CSNK1G3: variants seen among roughly 807,000 people sequenced by gnomAD.
CSNK1G3 encodes casein kinase 1 gamma 3.
In CSNK1G3, 23 loss-of-function variants were observed where a neutral mutation model predicts 64.3. The observed-to-expected ratio is 0.36, with a 90% CI of 0.26 to 0.51. The LOEUF (loss-of-function observed/expected upper bound fraction) is 0.51. CSNK1G3 is among the 20% of genes least tolerant of loss of function. The pLI, the probability that CSNK1G3 is intolerant of heterozygous loss-of-function variation, is 0.96. For synonymous variants in CSNK1G3, 158 were observed against 162.2 expected, an observed-to-expected ratio of 0.97 and a Z score of 0.20; for missense variants, 357 against 510.5, an observed-to-expected ratio of 0.70 and a Z score of 2.90.
intron 12 of CSNK1G3, among the ~76,000 whole-genome samples, chr5:123,613,054 A>G (rs1455951677): frequency 6.6e-6 from 1 of 152,178 alleles, no homozygotes; most frequent in African/African-American, 2.4e-5. Flanking sequence ...AAAGGTGCCT[A>G]ACTATATGTA....
intron 1 of CSNK1G3, among the ~76,000 whole-genome samples, chr5:123,524,430 T>C (rs1778681635): frequency 1.3e-5 from 2 of 152,230 alleles, no homozygotes; most frequent in Admixed American, 1.3e-4. Context: ...GCCCTCTCTT[T>C]TACATATCTT....
At chr5:123,582,563 C>G (rs1790502908) in intron 6 of CSNK1G3, among the ~76,000 whole-genome samples, 2 of 152,054 alleles carry the variant, frequency 1.3e-5, no homozygotes, top group South Asian at 4.1e-4. Context: ...TAATTGGTTT[C>G]AAGACCTATT....
intron 6 of CSNK1G3, among the ~76,000 whole-genome samples, chr5:123,582,038 C>T (rs1790406254): frequency 6.6e-6 from 1 of 151,746 alleles, no homozygotes. Context: ...TTTATTTTTG[C>T]AAATATATGC....
intron 1 of CSNK1G3, among the ~76,000 whole-genome samples, chr5:123,515,880 C>G (rs374605144): frequency 6.6e-6 from 1 of 152,140 alleles, no homozygotes; most frequent in Non-Finnish European, 1.5e-5. Flanking sequence ...GATACTATTA[C>G]GACAACTCTG....
At chr5:123,552,897 T>C (rs930604136) in intron 2 of CSNK1G3, 1 of 331,930 alleles carries the variant, frequency 3.0e-6, no homozygotes, top group Admixed American at 5.1e-5. Context: ...AGTGTCTGTA[T>C]CACTTTCTAC....
chr5:123,561,304 A>G (rs1785660401), intron 4 of CSNK1G3, among the ~76,000 whole-genome samples: 1 of 152,224 alleles, frequency 6.6e-6, no homozygotes, highest in Admixed American at 6.5e-5. Flanking sequence ...ATCAGCACAT[A>G]GATGGTTTTT....
chr5:123,588,265 T>A, intron 7 of CSNK1G3, 112 bp downstream of exon 7: 1 of 1,046,056 alleles, frequency 9.6e-7, no homozygotes, highest in South Asian at 1.4e-5. Flanking sequence ...TAAGTAGGCA[T>A]CAGGGCTCCC....
rs781286741 is a variant in CSNK1G3 at position 123,605,345 on chromosome 5, G to C, written c.1200G>C (p.Gln400His). Residue 400 changes from glutamine to histidine, a missense_variant, in exon 12 of 13, where the codon CAG becomes CAC. Around this residue, in one of 3 missense-constraint regions of CSNK1G3, gnomAD observed 187 missense variants for 217.1 expected, o/e 0.86. Transcript: ENST00000345990. Reference sequence around the variant, plus strand: ...TTTTTGTGTGTGCGTATAGCTGCCAGAAAGTGTTGAACATGTGGTGAGTCT... The same window carrying C: ...TTTTTGTGTGTGCGTATAGCTGCCACAAAGTGTTGAACATGTGGTGAGTCT... The C allele has an allele frequency of 1.4e-5, 23 of 1,609,144 alleles. No individual in the cohort carries two copies. The Admixed American group carries it at 3.7e-4, about 26-fold the overall frequency.
chr5:123,554,831 A>G (rs532121562), intron 3 of CSNK1G3, among the ~76,000 whole-genome samples: 4 of 152,198 alleles, frequency 2.6e-5, no homozygotes, highest in Non-Finnish European at 5.9e-5. Flanking sequence ...TATGTGAATG[A>G]TAGTTATCTG....
At chr5:123,597,878 A>G (rs1793723024) in intron 10 of CSNK1G3, among the ~76,000 whole-genome samples, 1 of 152,178 alleles carries the variant, frequency 6.6e-6, no homozygotes, top group Non-Finnish European at 1.5e-5. Context: ...AGTATTTAGC[A>G]TAGATGTTGA....
At chr5:123,586,060 T>G (rs1470657014) in intron 6 of CSNK1G3, among the ~76,000 whole-genome samples, 1 of 152,180 alleles carries the variant, frequency 6.6e-6, no homozygotes, top group African/African-American at 2.4e-5. Flanking sequence ...TGTCAACAGA[T>G]GAATAAACAC....
At chr5:123,563,845 A>G (rs1391490384) in intron 4 of CSNK1G3, among the ~76,000 whole-genome samples, 2 of 152,084 alleles carry the variant, frequency 1.3e-5, no homozygotes, top group African/African-American at 2.4e-5. Flanking sequence ...TACTTAGACT[A>G]TTGCTTACTG....
Position 123,539,361 on chromosome 5 carries a change from C to T in CSNK1G3, c.-247-6056C>T, listed in dbSNP as rs1381600612. Among the ~76,000 whole-genome samples, 4 of 151,248 alleles carry T rather than the reference C, an allele frequency of 2.6e-5. No homozygotes were observed. The South Asian group carries it at 8.3e-4, about 32-fold the overall frequency. ...TCGGGAGGCTGGGGTGGGAAAATCA[C>T]CAGAGCCTGAGCAAGTCAAGGCTGC... On this transcript the variant is annotated intron_variant, in intron 1 of 12. Coordinates refer to ENST00000345990, the Ensembl canonical transcript of CSNK1G3.
chr5:123,577,311 T>C (rs1789364127), intron 6 of CSNK1G3, among the ~76,000 whole-genome samples: 1 of 152,074 alleles, frequency 6.6e-6, no homozygotes, highest in Non-Finnish European at 1.5e-5. Flanking sequence ...CTGTGGTATG[T>C]TGTTACTGCC....
At chr5:123,615,209 A>C (rs1749255486) in exon 13 of CSNK1G3, 1 of 152,656 alleles carries the variant, frequency 6.6e-6, no homozygotes, top group Non-Finnish European at 1.5e-5. Context: ...AATACTTTAA[A>C]AAGTGATGTA....
At chr5:123,579,697 G>A (rs1789885957) in intron 6 of CSNK1G3, among the ~76,000 whole-genome samples, 1 of 151,908 alleles carries the variant, frequency 6.6e-6, no homozygotes, top group Non-Finnish European at 1.5e-5. Flanking sequence ...TCATTGTTAG[G>A]AAAAGTCATC....
exon 9 of CSNK1G3, chr5:123,590,558 G>T: frequency 6.7e-7 from 1 of 1,483,816 alleles, no homozygotes; most frequent in African/African-American, 1.5e-5. Flanking sequence ...GTAAACAGTT[G>T]GTGAGTATTC....
intron 5 of CSNK1G3, among the ~76,000 whole-genome samples, chr5:123,574,626 A>G (rs143633986): frequency 6.6e-6 from 1 of 151,992 alleles, no homozygotes; most frequent in Non-Finnish European, 1.5e-5. Flanking sequence ...TTCAAGATCA[A>G]TCTGGGCAAC....
chr5:123,562,112 G>A (rs758594663), intron 4 of CSNK1G3, among the ~76,000 whole-genome samples: 2 of 152,000 alleles, frequency 1.3e-5, no homozygotes, highest in Non-Finnish European at 2.9e-5. Context: ...TATTCCTTGA[G>A]TAGATCTTAC....
Sources: allele counts gnomAD v4.1 joint callset (sites outside exome capture counted in the v4.1 genomes callset), GRCh38; gene constraint gnomAD v4.1.1; regional missense constraint gnomAD v4.1.1; transcripts MANE v1.5; gene names NCBI Gene and HGNC (gene_info 2026-07-23, HGNC 2026-07-21).